The following CWF19L2 variants were observed in gnomAD, a reference collection of about 807,000 sequenced individuals.
The protein encoded by CWF19L2 is CWF19 like cell cycle control factor 2, also known as CWF19-like protein 2.
Under a neutral mutation model 111.7 loss-of-function variants are expected in CWF19L2, and 98 were observed. The ratio of observed to expected loss-of-function variants is 0.88; its 90% CI spans 0.75 to 1.04. CWF19L2 has a LOEUF of 1.04. CWF19L2 is among the 50% of genes least tolerant of loss of function. The probability of loss-of-function intolerance (pLI) is 0.00; values close to 1 mark genes in which losing one functional copy is unlikely to be tolerated. For missense variants in CWF19L2, 1,101 were observed against 1,051.4 expected (o/e 1.05, Z -0.65); for synonymous variants, 351 against 342.9 (o/e 1.02, Z -0.26).
At chr11:107,403,295 A>G (rs1861032746) in intron 10 of CWF19L2, 2 of 463,308 alleles carry the variant, frequency 4.3e-6, no homozygotes, top group Non-Finnish European at 7.7e-6. Context: ...TTCAGAGTCC[A>G]GTCATTCTAA....
rs569696899 is a variant in CWF19L2 at position 107,359,488 on chromosome 11, G to A, written c.1873-5752C>T. 1.2e-3 allele frequency among the ~76,000 whole-genome samples: 182 copies of A among 152,222 alleles called. 1 individual carries two copies. The highest frequency in any genetic ancestry group is 4.3e-3 in the African/African-American group (178 of 41,520). ...TCCAAACAATGATGATCCACAACTA[G>A]GATCCACAGGTCTGGGAATCTTAGG... On this transcript the variant is annotated intron_variant, in intron 12 of 17. Transcript: ENST00000282251.
At chr11:107,368,090 G>A (rs181356289) in intron 12 of CWF19L2, among the ~76,000 whole-genome samples, 2 of 120,420 alleles carry the variant, frequency 1.7e-5, no homozygotes, top group African/African-American at 7.3e-5. Flanking sequence ...CAGAAGAAAA[G>A]AGAGATCCGG....
At chr11:107,396,111 C>T (rs489733) in intron 10 of CWF19L2, among the ~76,000 whole-genome samples, 122,666 of 152,216 alleles carry the variant, frequency 0.81, 50,097 homozygotes, top group African/African-American at 0.94. Context: ...CATCTAACCA[C>T]CTACATGGCA....
intron 15 of CWF19L2, among the ~76,000 whole-genome samples, 174 bp downstream of exon 15, chr11:107,336,384 T>C (rs1859923817): frequency 6.6e-6 from 1 of 152,136 alleles, no homozygotes; most frequent in Non-Finnish European, 1.5e-5. Context: ...TGACCTCAGG[T>C]GATCTCCCCA....
chr11:107,417,057 A>G (rs1007944461), intron 9 of CWF19L2, among the ~76,000 whole-genome samples: 2 of 152,192 alleles, frequency 1.3e-5, no homozygotes, highest in African/African-American at 4.8e-5. Context: ...CATATGCAAG[A>G]TATGCCCTTT....
chr11:107,429,020 A>G lies in CWF19L2; in HGVS notation c.1212T>C (p.Gly404=), dbSNP rs1169119043. ...ALVAQGSLCS[G]FRKPTKNSEE... ...CACTGTTCTTGGTGGGTTTTCTAAA[A>G]CCACTACACAAAGAGCCCTGAGCTA... Residue 404 remains glycine, a synonymous_variant, in exon 8 of 18, where the codon GGT becomes GGC. Transcript: ENST00000282251. 6.2e-7 allele frequency: 1 copy of G among 1,613,188 alleles called. No homozygotes were observed. The highest frequency in any genetic ancestry group is 8.5e-7 in the Non-Finnish European group (1 of 1,179,680).
At chr11:107,443,072 T>C in intron 3 of CWF19L2, 23 bp from the exon 4 acceptor site, 4 of 1,445,130 alleles carry the variant, frequency 2.8e-6, no homozygotes, top group South Asian at 1.2e-5. Context: ...AGCATATAAG[T>C]GAAATTGTCA....
At chr11:107,362,312 G>A (rs1232598815) in intron 12 of CWF19L2, among the ~76,000 whole-genome samples, 1 of 151,890 alleles carries the variant, frequency 6.6e-6, no homozygotes, top group African/African-American at 2.4e-5. Flanking sequence ...CGAACTGGGT[G>A]GAGCCCACCA....
At chr11:107,420,658 A>G (rs904840991) in intron 8 of CWF19L2, among the ~76,000 whole-genome samples, 2 of 151,876 alleles carry the variant, frequency 1.3e-5, no homozygotes, top group African/African-American at 2.4e-5. Flanking sequence ...TATCTGTAGT[A>G]TTTTTTTTCC....
At chr11:107,364,329 T>C (rs1251642064) in intron 12 of CWF19L2, among the ~76,000 whole-genome samples, 2 of 147,314 alleles carry the variant, frequency 1.4e-5, no homozygotes, top group African/African-American at 5.1e-5. Flanking sequence ...GGACCTAATA[T>C]ACATCTACAG....
Position 107,334,773 on chromosome 11 carries a change from C to T in CWF19L2, c.2439+108G>A, listed in dbSNP as rs917269023. 3.0e-5 allele frequency: 22 copies of T among 733,886 alleles called. No individual in the cohort carries two copies. The Admixed American group carries it at 3.8e-4, about 13-fold the overall frequency. The allele number at this position is 733,886 out of a possible 1,614,324, so 45.5% of individuals were successfully genotyped here. The stretch of plus-strand genomic sequence containing the variant: ...ACTTCATTTGTCGAACTAGTAATTT[C>T]GCCTTCAGTCACTCAACCAAATGGT... On this transcript the variant is annotated intron_variant, in intron 16 of 17. Transcript: ENST00000282251.
chr11:107,416,198 T>G lies in CWF19L2; in HGVS notation c.1617+11A>C, dbSNP rs1206507258. 8.6e-7 allele frequency: 1 copy of G among 1,164,896 alleles called. No individual in the cohort carries two copies. Among genetic ancestry groups the G allele is most frequent in the Non-Finnish European group, 1.2e-6 (1 of 853,778 alleles). The allele number at this position is 1,164,896 out of a possible 1,614,324, so 72.2% of individuals were successfully genotyped here. A position where few individuals can be genotyped will look rare whatever the true frequency, so the allele number is the denominator to read the frequency against. ...CAAGGTAATTACATTCTCCAAACTTTTATTACTTACCTCTACCCCAGATTT... is the reference window on the plus strand; with the variant it reads ...CAAGGTAATTACATTCTCCAAACTTGTATTACTTACCTCTACCCCAGATTT... On this transcript the variant is annotated intron_variant, in intron 10 of 17. Coordinates refer to ENST00000282251, the MANE Select transcript of CWF19L2 (RefSeq NM_152434.3).
chr11:107,442,241 G>C (rs187430505), intron 4 of CWF19L2, among the ~76,000 whole-genome samples: 1 of 152,178 alleles, frequency 6.6e-6, no homozygotes, highest in Admixed American at 6.5e-5. Flanking sequence ...GGGGAAGGGG[G>C]TTCTAAACAT....
intron 14 of CWF19L2, among the ~76,000 whole-genome samples, chr11:107,347,648 A>G (rs1164378081): frequency 6.6e-6 from 1 of 152,192 alleles, no homozygotes; most frequent in Non-Finnish European, 1.5e-5. Flanking sequence ...GCTAAACTAT[A>G]ATGTAAACTA....
chr11:107,380,466 G>C (rs527454020), intron 12 of CWF19L2, among the ~76,000 whole-genome samples: 1 of 152,166 alleles, frequency 6.6e-6, no homozygotes, highest in African/African-American at 2.4e-5. Context: ...CTGTCCAAAA[G>C]ACCTCATAAA....
intron 12 of CWF19L2, among the ~76,000 whole-genome samples, chr11:107,373,292 C>T (rs1364778370): frequency 7.8e-6 from 1 of 127,970 alleles, no homozygotes; most frequent in East Asian, 2.3e-4. Context: ...GACTGCCTGC[C>T]TCTGTAGGCT....
chr11:107,337,367 T>TTGTGTGTGTGTGTG (rs5794537), intron 14 of CWF19L2, among the ~76,000 whole-genome samples: 2 of 148,120 alleles, frequency 1.4e-5, no homozygotes, highest in African/African-American at 5.0e-5. Context: ...GGTGTGTGTT[T>TTGTGTGTGTGTGTG]TGTGTGTGTG....
rs1178236479 is a variant in CWF19L2 at position 107,457,803 on chromosome 11, A to C, written c.14T>G (p.Met5Arg). 1.9e-6 allele frequency: 3 copies of C among 1,551,638 alleles called. No individual in the cohort carries two copies. The highest frequency in any genetic ancestry group is 2.6e-6 in the Non-Finnish European group (3 of 1,146,902). The change falls in exon 1 of 18, where the codon ATG becomes AGG. Residue 5 changes from methionine to arginine, a missense_variant. Transcript: ENST00000282251. ...TTCAAATCTACCACTAGCAGCCGCC[A>C]TACTTGTTGCCATCGTAAAGCTAAG... MATS[M>R]AAASGRFESA...
intron 12 of CWF19L2, among the ~76,000 whole-genome samples, chr11:107,382,991 C>T (rs1221627987): frequency 6.6e-6 from 1 of 152,232 alleles, no homozygotes; most frequent in Non-Finnish European, 1.5e-5. Context: ...CGTAGAGGTT[C>T]CTGGAGGGTG....
Sources: gnomAD v4.1 joint callset for allele counts (sites outside exome capture counted in the v4.1 genomes callset) on GRCh38, gnomAD v4.1.1 for gene constraint, MANE v1.5 for transcripts, NCBI Gene and HGNC (gene_info 2026-07-23, HGNC 2026-07-21) for gene names.